The following ZNF468 variants were observed in gnomAD, a reference collection of about 807,000 sequenced individuals.
ZNF468 encodes zinc finger protein ZNF468.
In ZNF468, 8 loss-of-function variants were observed where a neutral mutation model predicts 7.2. The observed-to-expected ratio is 1.11, with a 90% CI of 0.65 to 2.01. The LOEUF (loss-of-function observed/expected upper bound fraction) is 2.01. Among genes scored for constraint, ZNF468 ranks in the 30% most tolerant of loss-of-function variants. The probability of loss-of-function intolerance (pLI) is 0.00; values close to 1 mark genes in which losing one functional copy is unlikely to be tolerated. For synonymous variants in ZNF468, 218 were observed against 214.4 expected (o/e 1.02, Z -0.15); for missense variants, 608 against 626.5 (o/e 0.97, Z 0.31).
intron 3 of ZNF468, among the ~76,000 whole-genome samples, chr19:52,844,545 T>C (rs1440155584): frequency 6.6e-6 from 1 of 152,130 alleles, no homozygotes; most frequent in South Asian, 2.1e-4. Context: ...CCTCAAGTGA[T>C]TCTCCCTCCT....
chr19:52,850,786 C>T (rs547302156), intron 2 of ZNF468, among the ~76,000 whole-genome samples: 2 of 151,766 alleles, frequency 1.3e-5, no homozygotes, highest in Non-Finnish European at 2.9e-5. Context: ...GTAGTCCCAG[C>T]TACTCGGGAG....
Position 52,850,716 on chromosome 19 carries a change from G to A in ZNF468, c.16-1503C>T, listed in dbSNP as rs543257377. ...AGATCGAGACCATCCTGGCTAACACGGTGAAACCCCATCTCTACTAAAAAT... is the reference window on the plus strand; with the variant it reads ...AGATCGAGACCATCCTGGCTAACACAGTGAAACCCCATCTCTACTAAAAAT... On this transcript the variant is annotated intron_variant, in intron 2 of 3. Transcript: ENST00000595646. 2.8e-4 allele frequency among the ~76,000 whole-genome samples: 43 copies of A among 151,734 alleles called. No homozygotes were observed. The East Asian group carries it at 6.1e-3, about 21-fold the overall frequency.
At chr19:52,845,449 G>A (rs2063335286) in intron 3 of ZNF468, among the ~76,000 whole-genome samples, 1 of 152,060 alleles carries the variant, frequency 6.6e-6, no homozygotes, top group Non-Finnish European at 1.5e-5. Context: ...CAGGTCAGGA[G>A]ATCGAGACCA....
chr19:52,838,057 C>G lies in ZNF468; in HGVS notation c.*2668G>C, dbSNP rs888855058. The G allele has an allele frequency of 1.3e-5, 2 of 152,128 alleles. No individual in the cohort carries two copies. The highest frequency in any genetic ancestry group is 1.3e-4 in the Admixed American group (2 of 15,262). 9.4% of individuals were successfully genotyped at this position (152,128 alleles called of 1,614,324 possible). A position where few individuals can be genotyped will look rare whatever the true frequency, so the allele number is the denominator to read the frequency against. On this transcript the variant is annotated 3_prime_UTR_variant, in exon 4 of 4. Transcript: ENST00000595646. Reference sequence around the variant, plus strand: ...TATTTTGGTGCAGAAAATGTGACATCATGTGCAATTTTCACATAATATGTA... The same window carrying G: ...TATTTTGGTGCAGAAAATGTGACATGATGTGCAATTTTCACATAATATGTA...
At chr19:52,844,131 A>G (rs1321449751) in intron 3 of ZNF468, among the ~76,000 whole-genome samples, 1 of 152,188 alleles carries the variant, frequency 6.6e-6, no homozygotes, top group Non-Finnish European at 1.5e-5. Context: ...AAGAAATAAA[A>G]TAAGATAAAT....
intron 3 of ZNF468, among the ~76,000 whole-genome samples, chr19:52,843,735 C>T (rs903481956): frequency 2.0e-4 from 31 of 152,284 alleles, no homozygotes; most frequent in African/African-American, 7.5e-4. Context: ...TTGTACTTAT[C>T]ACCAGCACAC....
chr19:52,840,851 C>T lies in ZNF468; in HGVS notation c.1443G>A (p.Ser481=), dbSNP rs769490267. ...ECGKTFGQTS[S]LIIHRRLHTG... is the part of the protein sequence containing the mutation. ...TATGAAGCCTACGATGGATTATAAGCGATGATGTCTGACCGAAGGTCTTGC... is the reference window on the plus strand; with the variant it reads ...TATGAAGCCTACGATGGATTATAAGTGATGATGTCTGACCGAAGGTCTTGC... The change falls in exon 4 of 4, where the codon TCG becomes TCA. Residue 481 remains serine, a synonymous_variant. Transcript: ENST00000595646. The T allele has an allele frequency of 2.1e-5, 33 of 1,592,748 alleles. 1 individual carries two copies. Among genetic ancestry groups the T allele is most frequent in the African/African-American group, 7.0e-5 (5 of 71,902 alleles).
rs2063276342 is a variant in ZNF468, at chr19:52,839,496, C to T, written c.*1229G>A. 1 of 444,928 alleles carries T rather than the reference C, an allele frequency of 2.2e-6. No individual in the cohort carries two copies. Among genetic ancestry groups the T allele is most frequent in the South Asian group, 1.9e-5 (1 of 54,042 alleles). The allele number at this position is 444,928 out of a possible 1,614,324, so 27.6% of individuals were successfully genotyped here. A position where few individuals can be genotyped will look rare whatever the true frequency, so the allele number is the denominator to read the frequency against. ...GTCAAGGCTGATTTGACTCTAATGTCAATTAATGCTTGATGGTTTGCTATA... is the reference window on the plus strand; with the variant it reads ...GTCAAGGCTGATTTGACTCTAATGTTAATTAATGCTTGATGGTTTGCTATA... On this transcript the variant is annotated 3_prime_UTR_variant, in exon 4 of 4. Transcript: ENST00000595646.
At position 52,841,837 on chromosome 19, in the gene ZNF468, T is replaced by C. The variant is rs140725847; in HGVS notation, c.457A>G (p.Ile153Val). 58 of 1,614,112 alleles carry C rather than the reference T, an allele frequency of 3.6e-5. No individual in the cohort carries two copies. The African/African-American group carries it at 7.2e-4, about 20-fold the overall frequency. ...SFHLHLPEPHIFQSEGKIGNQ... is the reference protein window; with the variant it reads ...SFHLHLPEPHVFQSEGKIGNQ... Reference sequence around the variant, plus strand: ...CCAATTTTCCCTTCAGACTGAAATATGTGCGGTTCAGGCAGATGCAAATGA... The same window carrying C: ...CCAATTTTCCCTTCAGACTGAAATACGTGCGGTTCAGGCAGATGCAAATGA... Residue 153 changes from isoleucine to valine, a missense_variant, in exon 4 of 4, where the codon ATA becomes GTA. Coordinates refer to ENST00000595646, the MANE Select transcript of ZNF468 (RefSeq NM_001008801.2).
rs781522253 is a variant in ZNF468, at chr19:52,841,549, C to A, written c.745G>T (p.Gly249Cys). 3.7e-6 allele frequency: 6 copies of A among 1,613,932 alleles called. No individual in the cohort carries two copies. In the Admixed American group the frequency reaches 6.7e-5, roughly 18 times the overall value. ...EEKQCKCDVCGKVFNQKRYLA... is the reference protein window; with the variant it reads ...EEKQCKCDVCCKVFNQKRYLA... ...TATCGCTTCTGATTAAAGACCTTGCCACATACATCACATTTACATTGTTTC... is the reference window on the plus strand; with the variant it reads ...TATCGCTTCTGATTAAAGACCTTGCAACATACATCACATTTACATTGTTTC... Residue 249 changes from glycine to cysteine, a missense_variant, in exon 4 of 4, where the codon GGC (glycine) becomes TGC (cysteine). Coordinates refer to ENST00000595646, the MANE Select transcript of ZNF468 (RefSeq NM_001008801.2).
At chr19:52,851,205 G>A (rs1370897581) in intron 2 of ZNF468, among the ~76,000 whole-genome samples, 2 of 151,988 alleles carry the variant, frequency 1.3e-5, no homozygotes, top group African/African-American at 4.8e-5. Context: ...GAACTTGGGA[G>A]GCAGAGGTTG....
rs188060532 is a variant in ZNF468, at chr19:52,854,319, C to A, written c.-47G>T. 4 of 1,612,936 alleles carry A rather than the reference C, an allele frequency of 2.5e-6. No individual in the cohort carries two copies. The African/African-American group carries it at 4.0e-5, about 16-fold the overall frequency. On this transcript the variant is annotated 5_prime_UTR_variant, in exon 2 of 4. Coordinates refer to ENST00000595646, the MANE Select transcript of ZNF468 (RefSeq NM_001008801.2). ...CTTCCTCTTCTGGGTTTCTTTCTCA[C>A]GTACCAACAGTCTTTAGAAGTCAAT... is the stretch of plus-strand genomic sequence containing the variant.
At position 52,841,102 on chromosome 19, in the gene ZNF468, G is replaced by C. The variant is rs1009733757; in HGVS notation, c.1192C>G (p.Leu398Val). ...CDKVFSRKSHLERHRRIHSGE... is the reference protein window; with the variant it reads ...CDKVFSRKSHVERHRRIHSGE... ...CTATGAATCCTCCTATGTCTTTCAA[G>C]GTGTGATTTGCGACTGAAAACTTTG... Residue 398 changes from leucine (L) to valine (V), a missense_variant, in exon 4 of 4, where the codon CTT (leucine) becomes GTT (valine). Leu to Val is a conservative substitution (Grantham distance 32). Coordinates refer to ENST00000595646, the MANE Select transcript of ZNF468 (RefSeq NM_001008801.2). 1 of 1,613,730 alleles carries C rather than the reference G, an allele frequency of 6.2e-7. No homozygotes were observed. The highest frequency in any genetic ancestry group is 1.3e-5 in the African/African-American group (1 of 74,834).
intron 2 of ZNF468, among the ~76,000 whole-genome samples, chr19:52,852,173 C>T (rs1025413800): frequency 2.6e-5 from 4 of 151,836 alleles, no homozygotes; most frequent in African/African-American, 9.7e-5. Flanking sequence ...CAACACCAGC[C>T]TGGCCAACAT....
Position 52,839,962 on chromosome 19 carries a change from C to T in ZNF468, c.*763G>A. 2 of 1,251,764 alleles carry T rather than the reference C, an allele frequency of 1.6e-6. No individual in the cohort carries two copies. The highest frequency in any genetic ancestry group is 2.6e-5 in the South Asian group (2 of 75,640). The allele number at this position is 1,251,764 out of a possible 1,614,324, so 77.5% of individuals were successfully genotyped here. On this transcript the variant is annotated 3_prime_UTR_variant, in exon 4 of 4. Transcript: ENST00000595646. ...ACAATCATTACATTAGTCAAGTTTCCCTATACCATGGATTGCTTGATGGTG... is the reference window on the plus strand; with the variant it reads ...ACAATCATTACATTAGTCAAGTTTCTCTATACCATGGATTGCTTGATGGTG...
intron 3 of ZNF468, among the ~76,000 whole-genome samples, chr19:52,844,463 C>T (rs1458007708): frequency 6.6e-6 from 1 of 152,018 alleles, no homozygotes; most frequent in African/African-American, 2.4e-5. Flanking sequence ...AAGCTACATC[C>T]TTTTTTGTTT....
chr19:52,842,100 T>C lies in ZNF468; in HGVS notation c.194A>G (p.Asn65Ser), dbSNP rs746107395. Residue 65 changes from asparagine (N) to serine (S), a missense_variant, in exon 4 of 4, where the codon AAT becomes AGT. Coordinates refer to ENST00000595646, the MANE Select transcript of ZNF468 (RefSeq NM_001008801.2). ...LKTLSSTGQG[N>S]TEVIHTGTLH... ...TGTCCCTGTGTGGATCACTTCTGTA[T>C]TGCCTTGCCCTGTTGACGACAACGT... The C allele has an allele frequency of 1.1e-5, 17 of 1,611,012 alleles. No homozygotes were observed. The East Asian group carries it at 2.0e-4, about 19-fold the overall frequency.
intron 3 of ZNF468, among the ~76,000 whole-genome samples, chr19:52,843,706 T>G (rs2063322838): frequency 1.3e-5 from 2 of 152,160 alleles, no homozygotes; most frequent in Admixed American, 1.3e-4. Context: ...CAATTCCCTC[T>G]TAAGAAAAAA....
At chr19:52,854,798 G>A (rs956457990) in intron 1 of ZNF468, among the ~76,000 whole-genome samples, 1 of 151,968 alleles carries the variant, frequency 6.6e-6, no homozygotes, top group African/African-American at 2.4e-5. Context: ...GCCAAGGTGG[G>A]TGGATTACTT....
Sources: allele counts gnomAD v4.1 joint callset (sites outside exome capture counted in the v4.1 genomes callset), GRCh38; gene constraint gnomAD v4.1.1; transcripts MANE v1.5; gene names NCBI Gene and HGNC (gene_info 2026-07-23, HGNC 2026-07-21).